Variants in PIAS1 observed in about 807,000 individuals in gnomAD.
PIAS1 encodes E3 SUMO-protein ligase PIAS1.
A neutral mutation model predicts 71.3 loss-of-function variants in PIAS1; 6 were observed. That is an observed-to-expected ratio of 0.08 (90% confidence interval 0.05 to 0.17). The LOEUF (loss-of-function observed/expected upper bound fraction) is 0.17. PIAS1 is among the 10% of genes least tolerant of loss of function. The pLI, the probability that PIAS1 is intolerant of heterozygous loss-of-function variation, is 1.00. For missense variants in PIAS1, 555 were observed against 793.6 expected (o/e 0.70, Z 3.61); for synonymous variants, 303 against 292.9 (o/e 1.03, Z -0.35).
intron 2 of PIAS1, among the ~76,000 whole-genome samples, chr15:68,123,777 A>T (rs2092629644): frequency 6.6e-6 from 1 of 152,184 alleles, no homozygotes; most frequent in Non-Finnish European, 1.5e-5. Flanking sequence ...CTTATTTATA[A>T]AAGGAAACTT....
At position 68,171,029 on chromosome 15, in the gene PIAS1, T is replaced by C. The variant is rs1007999611; in HGVS notation, c.1009-2703T>C. Among the ~76,000 whole-genome samples the C allele has an allele frequency of 3.4e-5, 5 of 148,880 alleles. No individual in the cohort carries two copies. Among genetic ancestry groups the C allele is most frequent in the African/African-American group, 1.2e-4 (5 of 40,954 alleles). ...CACTTAGCTTAAAACACAAGCACAT[T>C]GTACAGCTGTACAAAAATATTTTCT... On this transcript the variant is annotated intron_variant, in intron 8 of 13. Transcript: ENST00000249636. This position sits in a 1 kb window ranked among gnomAD's most constrained non-coding sequence, Gnocchi z 4.4.
At chr15:68,088,023 G>GT in intron 2 of PIAS1, 1 of 234,346 alleles carries the variant, frequency 4.3e-6, no homozygotes, top group South Asian at 4.9e-5. Flanking sequence ...TTCCTTCCTT[G>GT]TTAGCTGTTT....
At chr15:68,104,608 G>A (rs2092454499) in intron 2 of PIAS1, among the ~76,000 whole-genome samples, 2 of 152,074 alleles carry the variant, frequency 1.3e-5, no homozygotes, top group Admixed American at 1.3e-4. Flanking sequence ...TCTCATGGAG[G>A]TAGTGATGAT....
intron 2 of PIAS1, among the ~76,000 whole-genome samples, chr15:68,110,072 C>T (rs1237357863): frequency 6.6e-6 from 1 of 152,166 alleles, no homozygotes; most frequent in East Asian, 1.9e-4. Flanking sequence ...TCCCCAAATT[C>T]TTTGAACATG....
chr15:68,113,943 A>G (rs886583435), intron 2 of PIAS1, among the ~76,000 whole-genome samples: 3 of 152,004 alleles, frequency 2.0e-5, no homozygotes, highest in African/African-American at 7.2e-5. Context: ...ATTGTGAAAT[A>G]TTTGCAACCT....
At chr15:68,139,486 C>T (rs534797996) in intron 2 of PIAS1, among the ~76,000 whole-genome samples, 1 of 152,206 alleles carries the variant, frequency 6.6e-6, no homozygotes, top group South Asian at 2.1e-4. Context: ...CTATTGTACT[C>T]ATATGTTGTA....
chr15:68,111,252 A>G (rs1045189673), intron 2 of PIAS1, among the ~76,000 whole-genome samples: 2 of 152,152 alleles, frequency 1.3e-5, no homozygotes, highest in African/African-American at 4.8e-5. Context: ...GCTCAATCCT[A>G]CTTCTGTGGT....
chr15:68,093,500 G>A (rs1160241277), intron 2 of PIAS1, among the ~76,000 whole-genome samples: 1 of 152,180 alleles, frequency 6.6e-6, no homozygotes, highest in Non-Finnish European at 1.5e-5. Flanking sequence ...AGTTAAGAGG[G>A]CTTCTACTGA....
At chr15:68,055,557 G>C (rs990940529) in intron 1 of PIAS1, among the ~76,000 whole-genome samples, 1 of 151,966 alleles carries the variant, frequency 6.6e-6, no homozygotes, top group African/African-American at 2.4e-5. Flanking sequence ...GAATAATTTT[G>C]GTTTAGTAGC....
intron 2 of PIAS1, among the ~76,000 whole-genome samples, chr15:68,100,562 A>G (rs886356630): frequency 6.6e-6 from 1 of 152,164 alleles, no homozygotes; most frequent in Non-Finnish European, 1.5e-5. Flanking sequence ...CCAGCTGAAG[A>G]ACATTAGTGT....
intron 1 of PIAS1, chr15:68,055,778 T>C (rs1321566706): frequency 1.8e-6 from 1 of 570,084 alleles, no homozygotes; most frequent in Non-Finnish European, 3.1e-6. Flanking sequence ...TTCCCCGTTA[T>C]AATGAAACGA....
chr15:68,084,560 G>A (rs1173835245), intron 1 of PIAS1, among the ~76,000 whole-genome samples: 1 of 152,110 alleles, frequency 6.6e-6, no homozygotes, highest in African/African-American at 2.4e-5. Context: ...TTATATCTTT[G>A]CATGCCTCTA....
chr15:68,100,376 G>A (rs1047923862), intron 2 of PIAS1, among the ~76,000 whole-genome samples: 1 of 152,130 alleles, frequency 6.6e-6, no homozygotes, highest in African/African-American at 2.4e-5. Flanking sequence ...TAACTGTCCT[G>A]TCACCCACAA....
At chr15:68,126,098 T>C (rs569337833) in intron 2 of PIAS1, among the ~76,000 whole-genome samples, 4 of 152,332 alleles carry the variant, frequency 2.6e-5, no homozygotes, top group Admixed American at 2.6e-4. Context: ...TATTGCCATA[T>C]GAACCAATTT....
intron 1 of PIAS1, among the ~76,000 whole-genome samples, chr15:68,071,206 G>GCC (rs56809829): frequency 1.3e-4 from 7 of 55,810 alleles, no homozygotes; most frequent in South Asian, 1.1e-3. Context: ...TTTCACCCCC[G>GCC]CCCCCCCGCC....
rs1320516732 is a variant in PIAS1, at chr15:68,054,464, C to T, written c.24+114C>T. On this transcript the variant is annotated intron_variant, in intron 1 of 13. Coordinates refer to ENST00000249636, the MANE Select transcript of PIAS1 (RefSeq NM_016166.3). This position sits in a 1 kb window ranked among gnomAD's most constrained non-coding sequence, Gnocchi z 4.6. Reference sequence around the variant, plus strand: ...CTCTCGGGCCTGACTCCACCCGGGCCTGGAGTTGTAGGGAGAGAGGCGCGC... The same window carrying T: ...CTCTCGGGCCTGACTCCACCCGGGCTTGGAGTTGTAGGGAGAGAGGCGCGC... 3 of 1,194,448 alleles carry T rather than the reference C, an allele frequency of 2.5e-6. No homozygotes were observed. The highest frequency in any genetic ancestry group is 5.4e-5 in the East Asian group (2 of 37,032). The allele number at this position is 1,194,448 out of a possible 1,614,324, so 74.0% of individuals were successfully genotyped here.
At chr15:68,153,027 C>A (rs2092859605) in intron 6 of PIAS1, among the ~76,000 whole-genome samples, 1 of 151,244 alleles carries the variant, frequency 6.6e-6, no homozygotes, top group Non-Finnish European at 1.5e-5. Context: ...TTTAATATTC[C>A]CTCTGCTTGT....
chr15:68,170,304 G>T (rs2092983683), intron 8 of PIAS1, among the ~76,000 whole-genome samples: 1 of 152,152 alleles, frequency 6.6e-6, no homozygotes, highest in African/African-American at 2.4e-5. Flanking sequence ...AGCTTACTAT[G>T]TACCTTGGCC....
rs771224302 is a variant in PIAS1 at position 68,146,687 on chromosome 15, C to A, written c.815C>A (p.Ala272Glu). Residue 272 changes from alanine (A) to glutamate (E), a missense_variant, in exon 6 of 14, where the codon GCA (alanine) becomes GAA (glutamate). This residue lies in a region of PIAS1 where 134 missense variants were observed against 203.4 expected (regional missense o/e 0.66). Coordinates refer to ENST00000249636, the MANE Select transcript of PIAS1 (RefSeq NM_016166.3). ...VPNTIVVSWTAEIGRNYSMAV... is the reference protein window; with the variant it reads ...VPNTIVVSWTEEIGRNYSMAV... ...AACACGATTGTTGTTTCTTGGACTGCAGAAATTGGAAGAGTAAGTAAATTT... is the reference window on the plus strand; with the variant it reads ...AACACGATTGTTGTTTCTTGGACTGAAGAAATTGGAAGAGTAAGTAAATTT... The A allele has an allele frequency of 1.2e-6, 2 of 1,607,182 alleles. No homozygotes were observed. Among genetic ancestry groups the A allele is most frequent in the African/African-American group, 1.3e-5 (1 of 74,934 alleles).
Sources: gnomAD v4.1 joint callset for allele counts (sites outside exome capture counted in the v4.1 genomes callset) on GRCh38, gnomAD v4.1.1 for gene constraint, gnomAD v4.1.1 regional missense constraint, Gnocchi (gnomAD v3.1) non-coding constraint, MANE v1.5 for transcripts, NCBI Gene and HGNC (gene_info 2026-07-23, HGNC 2026-07-21) for gene names.